Variants in GABRB2 observed in about 807,000 individuals in gnomAD.
GABRB2 encodes gamma-aminobutyric acid receptor subunit beta-2.
Under a neutral mutation model 54.7 loss-of-function variants are expected in GABRB2, and 16 were observed. The ratio of observed to expected loss-of-function variants is 0.29; its 90% CI spans 0.20 to 0.44. GABRB2 has a LOEUF of 0.44. GABRB2 is among the 20% of genes least tolerant of loss of function. The probability of loss-of-function intolerance (pLI) is 1.00; values close to 1 mark genes in which losing one functional copy is unlikely to be tolerated. For synonymous variants in GABRB2, 244 were observed against 233.8 expected (o/e 1.04, Z -0.40); for missense variants, 355 against 644.0 (o/e 0.55, Z 4.86).
intron 5 of GABRB2, among the ~76,000 whole-genome samples, chr5:161,367,144 G>T (rs575080809): frequency 2.0e-4 from 31 of 152,228 alleles, no homozygotes; most frequent in Non-Finnish European, 2.8e-4. Context: ...TCACTGTCTT[G>T]TTTAGGAATC....
rs1350460059 is a variant in GABRB2, at chr5:161,317,816, T to C, written c.1191+8552A>G. On this transcript the variant is annotated intron_variant, in intron 9 of 9. Transcript: ENST00000393959. ...TAATAAAAATGGGTAAGAATAAGAATAGGCAATTCACAGGGAAGCCAATTC... is the reference window on the plus strand; with the variant it reads ...TAATAAAAATGGGTAAGAATAAGAACAGGCAATTCACAGGGAAGCCAATTC... 2.0e-5 allele frequency among the ~76,000 whole-genome samples: 3 copies of C among 152,120 alleles called. No individual in the cohort carries two copies. The East Asian group carries it at 5.8e-4, about 29-fold the overall frequency.
In GABRB2 at chr5:161,466,856, T is replaced by C. The variant is rs1278784223; in HGVS notation, c.238-7012A>G. On this transcript the variant is annotated intron_variant, in intron 3 of 9. Coordinates refer to ENST00000393959, the MANE Select transcript of GABRB2 (RefSeq NM_001371727.1). ...TAGAGACTTCAGCATTTATTATCTA[T>C]GGAGTTTTTCCTCTTTTCTTTTAAA... Among the ~76,000 whole-genome samples, 4 of 152,250 alleles carry C rather than the reference T, an allele frequency of 2.6e-5. No homozygotes were observed. In the East Asian group the frequency reaches 7.7e-4, roughly 29 times the overall value.
chr5:161,507,973 C>T (rs1044412723), intron 3 of GABRB2, among the ~76,000 whole-genome samples: 1 of 151,854 alleles, frequency 6.6e-6, no homozygotes, highest in Non-Finnish European at 1.5e-5. Context: ...TACATCTACA[C>T]CAAGACCCAG....
intron 5 of GABRB2, among the ~76,000 whole-genome samples, chr5:161,368,903 A>G (rs1402580948): frequency 1.3e-5 from 2 of 152,192 alleles, no homozygotes; most frequent in African/African-American, 4.8e-5. Context: ...TCTTTACTTA[A>G]GGTAAAGGCT....
intron 4 of GABRB2, among the ~76,000 whole-genome samples, chr5:161,427,164 G>T (rs1247975350): frequency 6.6e-6 from 1 of 152,146 alleles, no homozygotes; most frequent in Non-Finnish European, 1.5e-5. Flanking sequence ...TTAGTTGTTT[G>T]ACTAATAGCT....
intron 5 of GABRB2, among the ~76,000 whole-genome samples, chr5:161,386,264 T>C (rs1053851864): frequency 5.3e-5 from 8 of 152,148 alleles, no homozygotes; most frequent in African/African-American, 1.9e-4. Context: ...CTTATTGTGA[T>C]TTAATGGCAC....
chr5:161,376,448 C>T (rs192165011), intron 5 of GABRB2, among the ~76,000 whole-genome samples: 1 of 152,036 alleles, frequency 6.6e-6, no homozygotes, highest in Admixed American at 6.6e-5. Flanking sequence ...GAAAATGAAG[C>T]CCACATGTGA....
intron 8 of GABRB2, chr5:161,329,474 A>G (rs757986702): frequency 6.6e-6 from 1 of 152,202 alleles, no homozygotes; most frequent in Non-Finnish European, 1.5e-5. Context: ...TGTTGCAAAT[A>G]TCATCTTCTA....
chr5:161,295,215 T>C (rs1757349282), intron 9 of GABRB2, among the ~76,000 whole-genome samples: 1 of 152,166 alleles, frequency 6.6e-6, no homozygotes. Context: ...CTGACTGTGC[T>C]CAACTGAATT....
intron 3 of GABRB2, among the ~76,000 whole-genome samples, chr5:161,521,851 C>A (rs1447412637): frequency 1.3e-5 from 2 of 151,740 alleles, no homozygotes; most frequent in Non-Finnish European, 3.0e-5. Flanking sequence ...AGCAGGTAAA[C>A]CAAACTTTGA....
At chr5:161,542,062 G>A (rs1449421258) in intron 3 of GABRB2, among the ~76,000 whole-genome samples, 1 of 152,066 alleles carries the variant, frequency 6.6e-6, no homozygotes, top group African/African-American at 2.4e-5. Flanking sequence ...TCACAGAGAG[G>A]GAGACGGACA....
intron 9 of GABRB2, among the ~76,000 whole-genome samples, chr5:161,319,768 AGAATTCATTGTT>A (rs2113378478): frequency 6.6e-6 from 1 of 152,010 alleles, no homozygotes; most frequent in African/African-American, 2.4e-5. Flanking sequence ...CATGTCTGAT[AGAATTCATTGTT>A]GAAATCTTAT....
At chr5:161,515,582 A>G (rs968617631) in intron 3 of GABRB2, among the ~76,000 whole-genome samples, 11 of 152,130 alleles carry the variant, frequency 7.2e-5, no homozygotes, top group Non-Finnish European at 1.6e-4. Context: ...TTTCCTTTAA[A>G]CGTCACTGAA....
chr5:161,318,678 A>G (rs1328860717), intron 9 of GABRB2, among the ~76,000 whole-genome samples: 2 of 152,006 alleles, frequency 1.3e-5, no homozygotes, highest in East Asian at 3.8e-4. Flanking sequence ...CCTCACTTAC[A>G]TACTTTTCTT....
intron 4 of GABRB2, among the ~76,000 whole-genome samples, chr5:161,451,647 T>C (rs764071975): frequency 2.6e-5 from 4 of 152,182 alleles, no homozygotes; most frequent in Admixed American, 6.5e-5. Flanking sequence ...AGCCATATCC[T>C]ATATTAGATC....
At chr5:161,391,587 C>T (rs926041523) in intron 5 of GABRB2, among the ~76,000 whole-genome samples, 4 of 151,952 alleles carry the variant, frequency 2.6e-5, no homozygotes, top group African/African-American at 9.7e-5. Context: ...ATAACATCAT[C>T]GCCAAAAAAA....
At chr5:161,417,222 T>A (rs1756704180) in intron 4 of GABRB2, among the ~76,000 whole-genome samples, 1 of 152,236 alleles carries the variant, frequency 6.6e-6, no homozygotes, top group South Asian at 2.1e-4. Flanking sequence ...GGTAAAACAT[T>A]GCTTGTAGGA....
At chr5:161,457,894 G>A (rs192809362) in intron 4 of GABRB2, among the ~76,000 whole-genome samples, 8 of 152,264 alleles carry the variant, frequency 5.3e-5, no homozygotes, top group Admixed American at 3.9e-4. Context: ...AGGAGAATAT[G>A]ACATGTCCTG....
intron 3 of GABRB2, among the ~76,000 whole-genome samples, chr5:161,505,089 GTCTTT>G (rs1759563602): frequency 6.6e-6 from 1 of 150,764 alleles, no homozygotes. Context: ...ACATTCTGAA[GTCTTT>G]TCTTTTTTCC....
Sources: gnomAD v4.1 joint callset for allele counts (sites outside exome capture counted in the v4.1 genomes callset) on GRCh38, gnomAD v4.1.1 for gene constraint, MANE v1.5 for transcripts, NCBI Gene and HGNC (gene_info 2026-07-23, HGNC 2026-07-21) for gene names.